The following GALNTL6 variants were observed in gnomAD, a reference collection of about 807,000 sequenced individuals.
The protein encoded by GALNTL6 is polypeptide N-acetylgalactosaminyltransferase like 6, also known as polypeptide N-acetylgalactosaminyltransferase-like 6.
GALNTL6 carries 46 observed loss-of-function variants against 73.7 expected under a neutral mutation model. That is an observed-to-expected ratio of 0.62 (90% CI 0.49 to 0.80). GALNTL6 has a LOEUF of 0.80. GALNTL6 is among the 30% of genes least tolerant of loss of function. The probability of loss-of-function intolerance (pLI) is 0.00; values close to 1 mark genes in which losing one functional copy is unlikely to be tolerated. For missense variants in GALNTL6, 604 were observed against 755.0 expected, an observed-to-expected ratio of 0.80 and a Z score of 2.34; for synonymous variants, 259 against 263.7, an observed-to-expected ratio of 0.98 and a Z score of 0.17.
intron 3 of GALNTL6, among the ~76,000 whole-genome samples, chr4:172,294,841 G>C (rs894308885): frequency 6.6e-6 from 1 of 151,914 alleles, no homozygotes; most frequent in African/African-American, 2.4e-5. Flanking sequence ...TACAAAATTA[G>C]GAAATAAAAG....
At chr4:172,087,393 C>T (rs1315292719) in intron 2 of GALNTL6, among the ~76,000 whole-genome samples, 15 of 146,008 alleles carry the variant, frequency 1.0e-4, no homozygotes, top group African/African-American at 3.3e-4. Context: ...TGCAGTGAGC[C>T]GAGGTCGCGC....
intron 7 of GALNTL6, among the ~76,000 whole-genome samples, chr4:172,851,898 G>A (rs116333902): frequency 2.9e-4 from 44 of 152,262 alleles, no homozygotes; most frequent in African/African-American, 1.0e-3. Context: ...GATTCTGGAT[G>A]CTCTGCCTGA....
At chr4:171,865,439 A>C (rs1204622490) in intron 2 of GALNTL6, among the ~76,000 whole-genome samples, 1 of 152,196 alleles carries the variant, frequency 6.6e-6, no homozygotes, top group Non-Finnish European at 1.5e-5. Flanking sequence ...AGGAAGAAAA[A>C]TATAAATTTC....
At chr4:172,598,325 C>T (rs1417775488) in intron 5 of GALNTL6, among the ~76,000 whole-genome samples, 1 of 152,016 alleles carries the variant, frequency 6.6e-6, no homozygotes, top group African/African-American at 2.4e-5. Context: ...GGCGAGTGAC[C>T]TCTGCATACC....
At chr4:173,009,011 AT>A (rs140235566) in intron 10 of GALNTL6, among the ~76,000 whole-genome samples, 166 bp from the exon 11 acceptor site, 141 of 152,276 alleles carry the variant, frequency 9.3e-4, no homozygotes, top group Non-Finnish European at 1.8e-3. Flanking sequence ...GTTACATTTA[AT>A]TCCTTGATTT....
At chr4:172,826,481 C>T (rs892552712) in intron 7 of GALNTL6, among the ~76,000 whole-genome samples, 33 of 152,166 alleles carry the variant, frequency 2.2e-4, no homozygotes, top group Admixed American at 1.3e-3. Flanking sequence ...ACCCCCAGCC[C>T]TAAGGATATA....
intron 3 of GALNTL6, among the ~76,000 whole-genome samples, chr4:172,245,371 A>G (rs543925420): frequency 6.6e-6 from 1 of 152,284 alleles, no homozygotes; most frequent in East Asian, 1.9e-4. Context: ...CACTGTTGCC[A>G]TAGACTTGAT....
At position 172,023,167 on chromosome 4, in the gene GALNTL6, C is replaced by T. The variant is rs529129191; in HGVS notation, c.139-206489C>T. Among the ~76,000 whole-genome samples the T allele has an allele frequency of 2.6e-5, 4 of 151,852 alleles. No individual in the cohort carries two copies. The South Asian group carries it at 8.3e-4, about 32-fold the overall frequency. The stretch of plus-strand genomic sequence containing the variant: ...CTGAGTGGCTTGCACCAATATATAT[C>T]CAGAAATGAAAAGAGCAGTTAAATT... On this transcript the variant is annotated intron_variant, in intron 2 of 12. Transcript: ENST00000506823.
At chr4:171,996,410 A>G (rs961072168) in intron 2 of GALNTL6, among the ~76,000 whole-genome samples, 1 of 152,196 alleles carries the variant, frequency 6.6e-6, no homozygotes, top group East Asian at 1.9e-4. Flanking sequence ...GATTTCTAAC[A>G]TACTTAGGAC....
At chr4:171,989,261 G>T (rs1052791179) in intron 2 of GALNTL6, among the ~76,000 whole-genome samples, 1 of 152,166 alleles carries the variant, frequency 6.6e-6, no homozygotes, top group African/African-American at 2.4e-5. Context: ...GATGGTCTAG[G>T]GGGCTTCTGA....
intron 9 of GALNTL6, among the ~76,000 whole-genome samples, chr4:172,938,279 G>A (rs1748729249): frequency 6.6e-6 from 1 of 152,122 alleles, no homozygotes; most frequent in African/African-American, 2.4e-5. Flanking sequence ...GTTGGGAGAG[G>A]CATAGAGAAA....
At chr4:171,972,318 T>A (rs1053013369) in intron 2 of GALNTL6, among the ~76,000 whole-genome samples, 3 of 152,220 alleles carry the variant, frequency 2.0e-5, no homozygotes, top group Non-Finnish European at 4.4e-5. Context: ...TATATGACTA[T>A]ATTATATTTC....
rs562779365 is a variant in GALNTL6, at chr4:172,413,948, T to G, written c.553+65259T>G. On this transcript the variant is annotated intron_variant, in intron 5 of 12. Transcript: ENST00000506823. ...GAAGATAGACTTTATCTATATCAAT[T>G]TTGTGAACTGTGAAGGAACTTTATG... 3.4e-4 allele frequency among the ~76,000 whole-genome samples: 52 copies of G among 152,284 alleles called. 1 individual carries two copies. In the South Asian group the frequency reaches 7.2e-3, roughly 21 times the overall value.
chr4:173,028,136 T>G (rs550614276), intron 12 of GALNTL6, among the ~76,000 whole-genome samples: 2 of 152,348 alleles, frequency 1.3e-5, no homozygotes, highest in Middle Eastern at 3.4e-3. Flanking sequence ...TCAGGAGGCT[T>G]ATTTGTGGAA....
At chr4:173,009,936 T>C (rs1258037477) in intron 11 of GALNTL6, among the ~76,000 whole-genome samples, 2 of 152,236 alleles carry the variant, frequency 1.3e-5, no homozygotes, top group Non-Finnish European at 2.9e-5. Context: ...AGTCATGCAA[T>C]GCATAACAAT....
chr4:172,771,087 C>T (rs190319686), intron 5 of GALNTL6, among the ~76,000 whole-genome samples: 1 of 152,254 alleles, frequency 6.6e-6, no homozygotes, highest in African/African-American at 2.4e-5. Context: ...TTTGACAATT[C>T]AAATATATGC....
intron 8 of GALNTL6, among the ~76,000 whole-genome samples, chr4:172,928,993 AAG>A (rs1748194652): frequency 1.3e-5 from 2 of 152,152 alleles, no homozygotes; most frequent in Admixed American, 1.3e-4. Flanking sequence ...TTGATTTCTT[AAG>A]ATCCTGGGAC....
chr4:172,016,198 A>G (rs930047093), intron 2 of GALNTL6, among the ~76,000 whole-genome samples: 2 of 151,856 alleles, frequency 1.3e-5, no homozygotes, highest in African/African-American at 4.8e-5. Flanking sequence ...AGGGACACCA[A>G]TTATTCTTAG....
chr4:171,928,494 A>G (rs1738063513), intron 2 of GALNTL6, among the ~76,000 whole-genome samples: 3 of 152,222 alleles, frequency 2.0e-5, no homozygotes, highest in Non-Finnish European at 4.4e-5. Flanking sequence ...GAAAATTTTA[A>G]GACTGGAAGG....
Sources: allele counts gnomAD v4.1 joint callset (sites outside exome capture counted in the v4.1 genomes callset), GRCh38; gene constraint gnomAD v4.1.1; transcripts MANE v1.5; gene names NCBI Gene and HGNC (gene_info 2026-07-23, HGNC 2026-07-21).